The following MYO3B variants were observed in gnomAD, a reference collection of about 807,000 sequenced individuals.
MYO3B encodes the protein myosin-IIIb.
A neutral mutation model predicts 174.6 loss-of-function variants in MYO3B; 156 were observed. That is an observed-to-expected ratio of 0.89 (90% CI 0.78 to 1.02). The LOEUF (loss-of-function observed/expected upper bound fraction) is 1.02, where lower values mean the gene tolerates loss of function less well. Among genes scored for constraint, MYO3B ranks in the 50% least tolerant of loss-of-function variants. The pLI is 0.00. For synonymous variants in MYO3B, 563 were observed against 569.1 expected (o/e 0.99, Z 0.15); for missense variants, 1,632 against 1,639.4 (o/e 1.00, Z 0.08).
In MYO3B at chr2:170,404,462, T is replaced by C. The variant is rs897514240; in HGVS notation, c.2431+62T>C. 5.4e-6 allele frequency: 8 copies of C among 1,483,760 alleles called. No individual in the cohort carries two copies. The African/African-American group carries it at 7.0e-5, about 13-fold the overall frequency. The allele number at this position is 1,483,760 out of a possible 1,614,324, so 91.9% of individuals were successfully genotyped here. A position where few individuals can be genotyped will look rare whatever the true frequency, so the allele number is the denominator to read the frequency against. On this transcript the variant is annotated intron_variant, in intron 20 of 34. Coordinates refer to ENST00000408978, the MANE Select transcript of MYO3B (RefSeq NM_138995.5). The stretch of plus-strand genomic sequence containing the variant: ...AACAAAACTTGGCTTGTGTCATCAA[T>C]TGAGTGTACTTTAATGAATTTACCT...
intron 23 of MYO3B, among the ~76,000 whole-genome samples, chr2:170,458,954 G>A (rs1304916290): frequency 1.3e-5 from 2 of 152,072 alleles, no homozygotes; most frequent in Non-Finnish European, 2.9e-5. Flanking sequence ...ATGGACCCTC[G>A]CGGTGAGTGT....
chr2:170,478,889 T>TACACACACACACACACAC (rs143792197), intron 25 of MYO3B, among the ~76,000 whole-genome samples: 7 of 137,300 alleles, frequency 5.1e-5, no homozygotes, highest in African/African-American at 1.9e-4. Flanking sequence ...AGGTTTTACA[T>TACACACACACACACACAC]ACACACACAC....
At chr2:170,546,825 T>TA (rs1690524650) in intron 32 of MYO3B, among the ~76,000 whole-genome samples, 1 of 152,122 alleles carries the variant, frequency 6.6e-6, no homozygotes, top group South Asian at 2.1e-4. Context: ...CTTTTCAGTT[T>TA]AAAAAAACAC....
intron 32 of MYO3B, among the ~76,000 whole-genome samples, chr2:170,638,393 G>C (rs1697700297): frequency 1.3e-5 from 2 of 152,170 alleles, no homozygotes; most frequent in South Asian, 4.1e-4. Flanking sequence ...CTCTTTGAAT[G>C]AATGAATCAT....
chr2:170,356,862 C>T (rs2094125672), intron 8 of MYO3B, among the ~76,000 whole-genome samples: 1 of 152,140 alleles, frequency 6.6e-6, no homozygotes, highest in South Asian at 2.1e-4. Flanking sequence ...ACTGCAGCCT[C>T]AACCTCCTGG....
At chr2:170,508,863 C>A (rs1559069219) in intron 28 of MYO3B, among the ~76,000 whole-genome samples, 1 of 152,162 alleles carries the variant, frequency 6.6e-6, no homozygotes, top group African/African-American at 2.4e-5. Context: ...TAAAATGGGA[C>A]TCATTAAGGC....
chr2:170,237,232 A>G (rs953675373), intron 7 of MYO3B, among the ~76,000 whole-genome samples: 1 of 152,196 alleles, frequency 6.6e-6, no homozygotes, highest in Non-Finnish European at 1.5e-5. Context: ...TGCAGGAGCT[A>G]AAAGCTGCAT....
rs575032775 is a variant in MYO3B at position 170,206,807 on chromosome 2, G to A, written c.321+6523G>A. 1.1e-4 allele frequency among the ~76,000 whole-genome samples: 17 copies of A among 152,150 alleles called. No individual in the cohort carries two copies. Among genetic ancestry groups the A allele is most frequent in the Non-Finnish European group, 2.1e-4 (14 of 67,974 alleles). On this transcript the variant is annotated intron_variant, in intron 3 of 34. Transcript: ENST00000408978. This position sits in a 1 kb window ranked among gnomAD's most constrained non-coding sequence, Gnocchi z 4.3. ...CCATGGTAGTGAGGGCAGAGGCTTC[G>A]GAACTGTATTGTAACCACAAAGTCC...
intron 6 of MYO3B, among the ~76,000 whole-genome samples, chr2:170,227,154 G>A (rs1480256299): frequency 6.6e-6 from 1 of 152,214 alleles, no homozygotes; most frequent in Non-Finnish European, 1.5e-5. Context: ...GAGAGCAAAT[G>A]GGGGAGAGCA....
intron 32 of MYO3B, chr2:170,646,810 G>T: frequency 1.5e-6 from 1 of 674,448 alleles, no homozygotes; most frequent in Non-Finnish European, 2.4e-6. Flanking sequence ...AATTAATAGA[G>T]AAGCAGTAAC....
chr2:170,383,817 A>G lies in MYO3B; in HGVS notation c.1290+3A>G, dbSNP rs758788291. 13 of 1,606,514 alleles carry G rather than the reference A, an allele frequency of 8.1e-6. No homozygotes were observed. The highest frequency in any genetic ancestry group is 1.3e-5 in the African/African-American group (1 of 74,784). On this transcript the variant is annotated splice_donor_region_variant and intron_variant, in intron 12 of 34. Transcript: ENST00000408978. ...TGGTTACTCTCAGCAAAGACCAGGT[A>G]AGAACTCACCTTCCTTTCCTACGGA...
intron 29 of MYO3B, among the ~76,000 whole-genome samples, chr2:170,518,508 T>A (rs1035204684): frequency 7.9e-5 from 12 of 152,222 alleles, no homozygotes; most frequent in African/African-American, 2.9e-4. Flanking sequence ...CTTTTAATAA[T>A]TGATGGCAGT....
At chr2:170,377,999 G>A (rs912417081) in intron 9 of MYO3B, among the ~76,000 whole-genome samples, 6 of 151,830 alleles carry the variant, frequency 4.0e-5, no homozygotes, top group African/African-American at 1.2e-4. Context: ...CTCAAGTAGG[G>A]CACTAGATGG....
Position 170,402,990 on chromosome 2 carries a change from G to T in MYO3B, c.2272G>T (p.Glu758Ter). ...TTTCAATCAGCATGTTTTTGCTCTT[G>T]AGCAGGTAATAGTGAACTCTGAGGT... is the stretch of plus-strand genomic sequence containing the variant. ...YYFNQHVFAL[E>*]QMEYQNEGID... Residue 758 changes from glutamate (E) to a stop codon, truncating the protein, a stop_gained, in exon 19 of 35, where the codon GAG becomes TAG. Transcript: ENST00000408978. LOFTEE classifies it high-confidence loss of function. 1 of 1,598,542 alleles carries T rather than the reference G, an allele frequency of 6.3e-7. No homozygotes were observed. Among genetic ancestry groups the T allele is most frequent in the South Asian group, 1.1e-5 (1 of 89,474 alleles).
Position 170,199,237 on chromosome 2 carries a change from A to G in MYO3B, c.32A>G (p.Asn11Ser), listed in dbSNP as rs764817541. MKHLYGLFHYNPMMLGLESLP... is the reference protein window; with the variant it reads MKHLYGLFHYSPMMLGLESLP... ...CATCTGTATGGATTATTTCACTATAATCCTATGATGCTTGGACTTGAATCA... is the reference window on the plus strand; with the variant it reads ...CATCTGTATGGATTATTTCACTATAGTCCTATGATGCTTGGACTTGAATCA... The change falls in exon 2 of 35, where the codon AAT becomes AGT. Residue 11 changes from asparagine (N) to serine (S), a missense_variant. Transcript: ENST00000408978. 6.2e-7 allele frequency: 1 copy of G among 1,612,958 alleles called. No individual in the cohort carries two copies. The highest frequency in any genetic ancestry group is 8.5e-7 in the Non-Finnish European group (1 of 1,179,396).
chr2:170,538,483 G>A (rs552207695), intron 30 of MYO3B, among the ~76,000 whole-genome samples: 13 of 152,202 alleles, frequency 8.5e-5, no homozygotes, highest in Non-Finnish European at 1.3e-4. Flanking sequence ...CCGGCGCAGC[G>A]TGACAGAGCC....
intron 32 of MYO3B, among the ~76,000 whole-genome samples, chr2:170,551,796 T>C (rs1202445635): frequency 1.3e-5 from 2 of 152,210 alleles, no homozygotes; most frequent in African/African-American, 4.8e-5. Context: ...ATCCTCAGTG[T>C]TGGGGGAGGG....
At chr2:170,623,789 T>C (rs932371876) in intron 32 of MYO3B, among the ~76,000 whole-genome samples, 2 of 152,238 alleles carry the variant, frequency 1.3e-5, no homozygotes, top group African/African-American at 4.8e-5. Flanking sequence ...TCTTTCTACA[T>C]ATGGCTAGCC....
chr2:170,237,992 A>C (rs1470371229), intron 7 of MYO3B, among the ~76,000 whole-genome samples: 1 of 152,240 alleles, frequency 6.6e-6, no homozygotes, highest in Non-Finnish European at 1.5e-5. Context: ...TTGGACAAGA[A>C]TGATAAGAGG....
Sources: allele counts gnomAD v4.1 joint callset (sites outside exome capture counted in the v4.1 genomes callset), GRCh38; gene constraint gnomAD v4.1.1; non-coding constraint Gnocchi (gnomAD v3.1); transcripts MANE v1.5; gene names NCBI Gene and HGNC (gene_info 2026-07-23, HGNC 2026-07-21).